NR3C1: variants seen among roughly 807,000 people sequenced by gnomAD.
NR3C1 encodes the protein nuclear receptor subfamily 3 group C member 1.
Under a neutral mutation model 74.0 loss-of-function variants are expected in NR3C1, and 14 were observed. That is an observed-to-expected ratio of 0.19 (90% CI 0.12 to 0.30). NR3C1 has a LOEUF of 0.30. Among genes scored for constraint, NR3C1 ranks in the 10% least tolerant of loss-of-function variants. The pLI is 1.00. For synonymous variants in NR3C1, 308 were observed against 332.5 expected (o/e 0.93, Z 0.80); for missense variants, 695 against 909.8 (o/e 0.76, Z 3.04).
intron 7 of NR3C1, 127 bp downstream of exon 7, chr5:143,295,333 C>A: frequency 1.4e-6 from 2 of 1,419,876 alleles, no homozygotes; most frequent in Non-Finnish European, 1.8e-6. Context: ...TCATAAAAAT[C>A]ATCTGACTAG....
intron 2 of NR3C1, among the ~76,000 whole-genome samples, chr5:143,389,380 A>T (rs1837840568): frequency 6.6e-6 from 1 of 152,174 alleles, no homozygotes; most frequent in African/African-American, 2.4e-5. Context: ...TAGTTCTTCC[A>T]CTTACGAACA....
chr5:143,332,892 C>T, intron 2 of NR3C1: 1 of 1,498,746 alleles, frequency 6.7e-7, no homozygotes, highest in Non-Finnish European at 9.2e-7. Flanking sequence ...AAAAATGCTG[C>T]ATATAGTGGA....
chr5:143,327,313 C>T (rs947741563), intron 2 of NR3C1, among the ~76,000 whole-genome samples: 39 of 152,128 alleles, frequency 2.6e-4, no homozygotes, highest in African/African-American at 8.9e-4. Context: ...TGGAAAAAAC[C>T]CCCCCATGAT....
intron 2 of NR3C1, among the ~76,000 whole-genome samples, chr5:143,344,574 A>G (rs1051559740): frequency 1.3e-5 from 2 of 150,224 alleles, no homozygotes; most frequent in African/African-American, 4.9e-5. Flanking sequence ...CGTTGATGAG[A>G]AAAAAAAAAT....
chr5:143,319,661 G>A (rs1386991344), intron 2 of NR3C1, among the ~76,000 whole-genome samples: 1 of 152,170 alleles, frequency 6.6e-6, no homozygotes, highest in Non-Finnish European at 1.5e-5. Flanking sequence ...GCATCTAAGT[G>A]AGAAGAGGCG....
intron 6 of NR3C1, among the ~76,000 whole-genome samples, chr5:143,298,090 C>T (rs1321741192): frequency 6.6e-6 from 1 of 152,094 alleles, no homozygotes; most frequent in Non-Finnish European, 1.5e-5. Flanking sequence ...GAAATGGACA[C>T]CTGAAGTATT....
rs117811333 is a variant in NR3C1 at position 143,290,686 on chromosome 5, G to C, written c.2023+4774C>G. 1.0e-3 allele frequency among the ~76,000 whole-genome samples: 155 copies of C among 152,148 alleles called. 3 individuals are homozygous for C. In the East Asian group the frequency reaches 0.022, roughly 22 times the overall value. On this transcript the variant is annotated intron_variant, in intron 7 of 8. Transcript: ENST00000394464. ...AGGTTCAAATGATTCTTGTGCCTCA[G>C]CCTCCCGAGTAGCTAGGATAACAGG...
intron 4 of NR3C1, among the ~76,000 whole-genome samples, chr5:143,305,493 C>T (rs1289689405): frequency 1.3e-5 from 2 of 152,122 alleles, no homozygotes; most frequent in Non-Finnish European, 2.9e-5. Flanking sequence ...TGGAACCAAC[C>T]CAGGTGCCCA....
intron 4 of NR3C1, among the ~76,000 whole-genome samples, chr5:143,309,113 C>T (rs1027765773): frequency 7.0e-6 from 1 of 143,146 alleles, no homozygotes; most frequent in Admixed American, 7.4e-5. Context: ...CTTGCTCTGT[C>T]GCCAAGCTGG....
chr5:143,362,280 C>T (rs1261470485), intron 2 of NR3C1, among the ~76,000 whole-genome samples: 1 of 152,032 alleles, frequency 6.6e-6, no homozygotes, highest in Non-Finnish European at 1.5e-5. Context: ...CCTAGCTTAG[C>T]AGTAGCCATG....
At chr5:143,346,224 C>A (rs1829260817) in intron 2 of NR3C1, among the ~76,000 whole-genome samples, 1 of 152,186 alleles carries the variant, frequency 6.6e-6, no homozygotes. Flanking sequence ...CTGTGGTCAA[C>A]CCAGGGGCTG....
intron 2 of NR3C1, among the ~76,000 whole-genome samples, chr5:143,342,775 A>T: frequency 6.6e-6 from 1 of 152,206 alleles, no homozygotes; most frequent in East Asian, 1.9e-4. Context: ...TCAACAGCTC[A>T]TTGTAGGAGA....
chr5:143,360,903 AG>A (rs1220040661), intron 2 of NR3C1, among the ~76,000 whole-genome samples: 1 of 152,212 alleles, frequency 6.6e-6, no homozygotes, highest in African/African-American at 2.4e-5. Context: ...GCAGGGTACC[AG>A]GTTTTATCTT....
At chr5:143,388,954 G>C (rs923653535) in intron 2 of NR3C1, among the ~76,000 whole-genome samples, 2 of 152,146 alleles carry the variant, frequency 1.3e-5, no homozygotes, top group Non-Finnish European at 2.9e-5. Context: ...TCATTCCTAT[G>C]TACTCAGTCC....
At chr5:143,431,913 C>T (rs1751846775) in intron 1 of NR3C1, among the ~76,000 whole-genome samples, 1 of 152,198 alleles carries the variant, frequency 6.6e-6, no homozygotes. Flanking sequence ...ACAGCAATTA[C>T]ATCCTCTGGC....
At chr5:143,351,296 A>G (rs544372313) in intron 2 of NR3C1, among the ~76,000 whole-genome samples, 1 of 152,220 alleles carries the variant, frequency 6.6e-6, no homozygotes, top group African/African-American at 2.4e-5. Flanking sequence ...TCAGAGTAAA[A>G]CCCAAACCTC....
intron 2 of NR3C1, among the ~76,000 whole-genome samples, chr5:143,315,849 T>C (rs143051115): frequency 5.9e-5 from 9 of 152,326 alleles, no homozygotes; most frequent in Non-Finnish European, 1.3e-4. Context: ...ATCCAAACGA[T>C]CGCCCTAAAT....
In NR3C1 at chr5:143,314,056, A is replaced by G. The variant is rs1345700502; in HGVS notation, c.1297T>C (p.Tyr433His). 6.2e-7 allele frequency: 1 copy of G among 1,613,756 alleles called. No homozygotes were observed. Among genetic ancestry groups the G allele is most frequent in the Admixed American group, 1.7e-5 (1 of 60,010 alleles). The change falls in exon 3 of 9, where the codon TAT becomes CAT. Residue 433 changes from tyrosine (Y) to histidine (H), a missense_variant. Tyr to His is a moderately conservative substitution (Grantham distance 83). Around this residue, in one of 4 missense-constraint regions of NR3C1, gnomAD observed 23 missense variants for 83.1 expected, o/e 0.28. Transcript: ENST00000394464. ...VCSDEASGCH[Y>H]GVLTCGSCKV... ...CAGCTTCCACAAGTTAAGACTCCAT[A>G]ATGACATCCTGAAGCTTCATCAGAG...
chr5:143,382,990 T>C (rs1016820290), intron 2 of NR3C1, among the ~76,000 whole-genome samples: 2 of 152,232 alleles, frequency 1.3e-5, no homozygotes, highest in African/African-American at 4.8e-5. Flanking sequence ...GGTCTGCCTG[T>C]CTTTGGGCTT....
Sources: gnomAD v4.1 joint callset for allele counts (sites outside exome capture counted in the v4.1 genomes callset) on GRCh38, gnomAD v4.1.1 for gene constraint, gnomAD v4.1.1 regional missense constraint, MANE v1.5 for transcripts, NCBI Gene and HGNC (gene_info 2026-07-23, HGNC 2026-07-21) for gene names.